Variants in PCDHA2 observed in about 807,000 individuals in gnomAD.
The protein encoded by PCDHA2 is protocadherin alpha-2.
Under a neutral mutation model 66.0 loss-of-function variants are expected in PCDHA2, and 58 were observed. The ratio of observed to expected loss-of-function variants is 0.88; its 90% CI spans 0.71 to 1.09. The LOEUF (loss-of-function observed/expected upper bound fraction) is 1.09, where lower values mean the gene tolerates loss of function less well. Ranked by LOEUF, PCDHA2 falls within the 50% of genes least tolerant of loss-of-function variation. The pLI is 0.00. For missense variants in PCDHA2, 1,267 were observed against 1,242.3 expected (o/e 1.02, Z -0.30); for synonymous variants, 634 against 554.0 (o/e 1.14, Z -2.03).
intron 1 of PCDHA2, among the ~76,000 whole-genome samples, chr5:140,938,831 A>G (rs782069247): frequency 2.0e-5 from 3 of 152,118 alleles, no homozygotes; most frequent in Non-Finnish European, 4.4e-5. Flanking sequence ...AGTTTGCGTT[A>G]TAACAAACCT....
At chr5:140,961,342 A>AC (rs2095605510) in intron 1 of PCDHA2, among the ~76,000 whole-genome samples, 1 of 152,164 alleles carries the variant, frequency 6.6e-6, no homozygotes, top group South Asian at 2.1e-4. Flanking sequence ...CCAAGAGTGG[A>AC]TCCCTGTAGT....
At chr5:140,829,658 C>A in intron 1 of PCDHA2, 8 of 1,612,628 alleles carry the variant, frequency 5.0e-6, no homozygotes, top group Non-Finnish European at 6.8e-6. Flanking sequence ...GCTGCAGCCG[C>A]TGGACCACGA....
At position 140,854,641 on chromosome 5, in the gene PCDHA2, C is replaced by T. The variant is rs1258483318; in HGVS notation, c.2388+57289C>T. The T allele has an allele frequency of 1.3e-5, 2 of 149,894 alleles. 1 individual carries two copies. Among genetic ancestry groups the T allele is most frequent in the Non-Finnish European group, 3.0e-5 (2 of 67,066 alleles). The allele number at this position is 149,894 out of a possible 1,614,324, so 9.3% of individuals were successfully genotyped here. A position where few individuals can be genotyped will look rare whatever the true frequency, so the allele number is the denominator to read the frequency against. ...ATATTCTTTAGAAAAGTCAAAACAT[C>T]ATTAAATAAAATAAATTAACCCTTG... is the stretch of plus-strand genomic sequence containing the variant. On this transcript the variant is annotated intron_variant, in intron 1 of 3. Transcript: ENST00000526136.
At chr5:140,843,632 G>T (rs2150363931) in intron 1 of PCDHA2, 1 of 1,595,968 alleles carries the variant, frequency 6.3e-7, no homozygotes, top group South Asian at 1.1e-5. Flanking sequence ...GGACCTCATG[G>T]CCTTCAGCCC....
Position 140,856,142 on chromosome 5 carries a change from T to C in PCDHA2, c.2388+58790T>C. 6.3e-7 allele frequency: 1 copy of C among 1,598,234 alleles called. No homozygotes were observed. Among genetic ancestry groups the C allele is most frequent in the Non-Finnish European group, 8.6e-7 (1 of 1,167,842 alleles). ...GGAGGTGGGGAGCGGCCAGCTCCAC[T>C]ACTCAGTCTACGAGGAGGCCAGACA... On this transcript the variant is annotated intron_variant, in intron 1 of 3. Transcript: ENST00000526136.
intron 1 of PCDHA2, among the ~76,000 whole-genome samples, chr5:140,976,410 G>C (rs1353790339): frequency 6.6e-6 from 1 of 152,074 alleles, no homozygotes; most frequent in Non-Finnish European, 1.5e-5. Context: ...AATTAGCCAG[G>C]TACGGTGGCA....
In PCDHA2 at chr5:140,795,066, C is replaced by G. The variant is rs782150347; in HGVS notation, c.102C>G (p.Ser34=). The G allele has an allele frequency of 6.2e-7, 1 of 1,613,948 alleles. No individual in the cohort carries two copies. The highest frequency in any genetic ancestry group is 1.7e-5 in the Admixed American group (1 of 60,018). The change falls in exon 1 of 4, where the codon TCC becomes TCG. Residue 34 remains serine (S), a synonymous_variant. Coordinates refer to ENST00000526136, the MANE Select transcript of PCDHA2 (RefSeq NM_018905.3). ...WEVGSGQLRY[S]VPEEAKHGTF... ...TGGGGAGCGGCCAGCTCCGCTACTC[C>G]GTCCCCGAGGAGGCCAAACACGGCA...
intron 1 of PCDHA2, among the ~76,000 whole-genome samples, chr5:140,916,649 G>A (rs1331435832): frequency 6.6e-6 from 1 of 152,166 alleles, no homozygotes; most frequent in Non-Finnish European, 1.5e-5. Flanking sequence ...TGGCTGAGCT[G>A]GTATCCAAGA....
chr5:140,828,831 A>G (rs2150159433), intron 1 of PCDHA2: 1 of 1,614,230 alleles, frequency 6.2e-7, no homozygotes, highest in East Asian at 2.2e-5. Flanking sequence ...CAGTCTGAAT[A>G]CGAAGTAAGA....
At chr5:140,802,868 C>T (rs199682432) in intron 1 of PCDHA2, 48 of 1,613,720 alleles carry the variant, frequency 3.0e-5, no homozygotes, top group Middle Eastern at 1.7e-4. Context: ...TCGTGCTGGA[C>T]GAGAACGACA....
chr5:141,006,338 A>G (rs1201287903), intron 3 of PCDHA2, among the ~76,000 whole-genome samples: 13 of 151,820 alleles, frequency 8.6e-5, no homozygotes, highest in African/African-American at 3.1e-4. Flanking sequence ...CAGCCTCCTG[A>G]GTAGCTGGGA....
chr5:140,852,779 T>C, intron 1 of PCDHA2: 1 of 979,786 alleles, frequency 1.0e-6, no homozygotes, highest in South Asian at 4.8e-5. Flanking sequence ...TTGATGTGAA[T>C]AGAGGGATGC....
rs2086142013 is a variant in PCDHA2, at chr5:140,929,415, C to T, written c.2389-49534C>T. 11 of 1,504,150 alleles carry T rather than the reference C, an allele frequency of 7.3e-6. 1 individual carries two copies. In the South Asian group the frequency reaches 1.2e-4, roughly 17 times the overall value. 93.2% of individuals were successfully genotyped at this position (1,504,150 alleles called of 1,614,324 possible). A position where few individuals can be genotyped will look rare whatever the true frequency, so the allele number is the denominator to read the frequency against. On this transcript the variant is annotated intron_variant, in intron 1 of 3. Coordinates refer to ENST00000526136, the MANE Select transcript of PCDHA2 (RefSeq NM_018905.3). The stretch of plus-strand genomic sequence containing the variant: ...TATTTCTTAGACAAGCCTTTCACAA[C>T]ATTTCATCAATTGAACTAAACACTC...
chr5:140,985,841 G>A (rs2097174040), intron 3 of PCDHA2, among the ~76,000 whole-genome samples: 1 of 145,238 alleles, frequency 6.9e-6, no homozygotes, highest in Admixed American at 7.3e-5. Context: ...CCGGGTTCAT[G>A]CCACTCTCCT....
chr5:140,916,910 A>G (rs898370877), intron 1 of PCDHA2, among the ~76,000 whole-genome samples: 3 of 152,194 alleles, frequency 2.0e-5, no homozygotes, highest in African/African-American at 7.2e-5. Context: ...AAGTTTACCT[A>G]GAACCTCAGA....
chr5:140,821,664 A>G, intron 1 of PCDHA2: 1 of 1,232,770 alleles, frequency 8.1e-7, no homozygotes, highest in East Asian at 2.5e-5. Context: ...GGCTGTGCCA[A>G]GAAGCTCAGA....
chr5:140,822,908 C>T (rs2150120242), intron 1 of PCDHA2: 1 of 1,614,256 alleles, frequency 6.2e-7, no homozygotes, highest in South Asian at 1.1e-5. Flanking sequence ...GACCGTGACT[C>T]AGGTGCCAAC....
chr5:140,882,836 T>C (rs782210486), intron 1 of PCDHA2: 1 of 1,614,226 alleles, frequency 6.2e-7, no homozygotes, highest in South Asian at 1.1e-5. Flanking sequence ...TGAGCAAATG[T>C]CTTCATTATC....
At position 140,843,837 on chromosome 5, in the gene PCDHA2, T is replaced by C. The variant is rs1433979959; in HGVS notation, c.2388+46485T>C. ...GTGAAAATTTAAACATTGTTTAGTT[T>C]TTAGAAACCTTTTATAATTAATTGA... On this transcript the variant is annotated intron_variant, in intron 1 of 3. Coordinates refer to ENST00000526136, the MANE Select transcript of PCDHA2 (RefSeq NM_018905.3). The C allele has an allele frequency of 3.8e-5, 40 of 1,048,116 alleles. 5 individuals are homozygous for C. The Admixed American group carries it at 1.1e-3, about 28-fold the overall frequency. 64.9% of individuals were successfully genotyped at this position (1,048,116 alleles called of 1,614,324 possible). A position where few individuals can be genotyped will look rare whatever the true frequency, so the allele number is the denominator to read the frequency against.
Sources: gnomAD v4.1 joint callset for allele counts (sites outside exome capture counted in the v4.1 genomes callset) on GRCh38, gnomAD v4.1.1 for gene constraint, MANE v1.5 for transcripts, NCBI Gene and HGNC (gene_info 2026-07-23, HGNC 2026-07-21) for gene names.